The following FAM13B variants were observed in gnomAD, a reference collection of about 807,000 sequenced individuals.
FAM13B encodes the protein protein FAM13B.
FAM13B carries 60 observed loss-of-function variants against 117.3 expected under a neutral mutation model. That is an observed-to-expected ratio of 0.51 (90% confidence interval 0.42 to 0.63). FAM13B has a LOEUF of 0.63. Among genes scored for constraint, FAM13B ranks in the 30% least tolerant of loss-of-function variants. FAM13B has a pLI of 0.00. For synonymous variants in FAM13B, 332 were observed against 356.1 expected, an observed-to-expected ratio of 0.93 and a Z score of 0.76; for missense variants, 972 against 1,091.9, an observed-to-expected ratio of 0.89 and a Z score of 1.55.
chr5:137,996,824 G>A (rs1279793044), intron 7 of FAM13B, among the ~76,000 whole-genome samples: 1 of 152,042 alleles, frequency 6.6e-6, no homozygotes, highest in Non-Finnish European at 1.5e-5. Context: ...AACTCCTGAT[G>A]ACCTCGTGAT....
chr5:137,962,087 A>C (rs777780255), intron 11 of FAM13B, among the ~76,000 whole-genome samples: 3 of 152,198 alleles, frequency 2.0e-5, no homozygotes, highest in African/African-American at 4.8e-5. Context: ...ATCATGAATT[A>C]ACTCACTGAC....
At chr5:137,966,368 C>T (rs1287274235) in intron 10 of FAM13B, among the ~76,000 whole-genome samples, 4 of 149,262 alleles carry the variant, frequency 2.7e-5, no homozygotes, top group Admixed American at 6.7e-5. Flanking sequence ...ACCCAGGAGG[C>T]GGAGGTTGCA....
Position 137,974,011 on chromosome 5 carries a change from T to C in FAM13B, c.1179+11246A>G, listed in dbSNP as rs867317623. 1.0e-2 allele frequency among the ~76,000 whole-genome samples: 1,409 copies of C among 141,306 alleles called. 22 individuals are homozygous for C. Among genetic ancestry groups the C allele is most frequent in the African/African-American group, 0.035 (1,314 of 37,498 alleles). 92.7% of individuals were successfully genotyped at this position (141,306 alleles called of 152,430 possible). A position where few individuals can be genotyped will look rare whatever the true frequency, so the allele number is the denominator to read the frequency against. Reference sequence around the variant, plus strand: ...AACACTTTTACACTGTTGGTGGGACTGTAAACTAGTTCAACCATTGTGGAA... The same window carrying C: ...AACACTTTTACACTGTTGGTGGGACCGTAAACTAGTTCAACCATTGTGGAA... On this transcript the variant is annotated intron_variant, in intron 10 of 23. Coordinates refer to ENST00000689681, the MANE Select transcript of FAM13B (RefSeq NM_001385994.1).
intron 1 of FAM13B, 137 bp downstream of exon 1, chr5:138,032,645 G>T: frequency 1.2e-6 from 1 of 839,562 alleles, no homozygotes; most frequent in Non-Finnish European, 1.4e-6. Context: ...ACCTGCTAGA[G>T]TCCTCCACAT....
chr5:138,042,370 T>G (rs1032596580), intron 1 of FAM13B, among the ~76,000 whole-genome samples: 6 of 152,100 alleles, frequency 3.9e-5, no homozygotes, highest in African/African-American at 1.4e-4. Context: ...AAATCAATAA[T>G]AAGGAGGGGT....
chr5:137,996,459 TA>T (rs1485278721), intron 7 of FAM13B, among the ~76,000 whole-genome samples: 5 of 152,060 alleles, frequency 3.3e-5, no homozygotes, highest in Admixed American at 2.0e-4. Flanking sequence ...CTTAAAACCC[TA>T]AACCCATGGC....
intron 7 of FAM13B, among the ~76,000 whole-genome samples, chr5:137,996,287 C>T (rs1434291481): frequency 6.6e-6 from 1 of 152,134 alleles, no homozygotes; most frequent in African/African-American, 2.4e-5. Flanking sequence ...AGGCGCCGGC[C>T]ACCACGCCTG....
At chr5:138,052,045 G>A (rs974068698), upstream of FAM13B, 5 of 152,094 alleles carry the variant, frequency 3.3e-5, no homozygotes, top group African/African-American at 9.7e-5. Context: ...AACCAGCGTC[G>A]AAGATAAAGA....
intron 5 of FAM13B, among the ~76,000 whole-genome samples, 187 bp downstream of exon 5, chr5:138,011,581 A>G (rs1004236000): frequency 1.3e-5 from 2 of 151,918 alleles, no homozygotes; most frequent in African/African-American, 2.4e-5. Flanking sequence ...CACCATGCCC[A>G]GCTAGTTTTT....
intron 10 of FAM13B, among the ~76,000 whole-genome samples, chr5:137,981,808 C>T (rs1482335321): frequency 1.3e-5 from 2 of 150,506 alleles, no homozygotes; most frequent in Non-Finnish European, 3.0e-5. Context: ...AAAAGTGCGG[C>T]GGAATGCGAA....
At chr5:137,942,114 T>A in intron 22 of FAM13B, 69 bp from the exon 23 acceptor site, 1 of 1,326,870 alleles carries the variant, frequency 7.5e-7, no homozygotes, top group South Asian at 1.3e-5. Context: ...AGGTTCTATT[T>A]CTGGCTGCAA....
Position 138,021,164 on chromosome 5 carries a change from A to C in FAM13B, c.-169T>G. 1 of 1,231,706 alleles carries C rather than the reference A, an allele frequency of 8.1e-7. No homozygotes were observed. Among genetic ancestry groups the C allele is most frequent in the Non-Finnish European group, 1.0e-6 (1 of 987,940 alleles). 76.3% of individuals were successfully genotyped at this position (1,231,706 alleles called of 1,614,324 possible). A position where few individuals can be genotyped will look rare whatever the true frequency, so the allele number is the denominator to read the frequency against. On this transcript the variant is annotated 5_prime_UTR_variant, in exon 2 of 24. The change creates a new upstream start codon in the 5' untranslated region. Coordinates refer to ENST00000689681, the MANE Select transcript of FAM13B (RefSeq NM_001385994.1). Reference sequence around the variant, plus strand: ...TCAGCCTGTAGTTCCTCATTGAAGAAATGCAGAACTCGATCAGTACTTCAG... The same window carrying C: ...TCAGCCTGTAGTTCCTCATTGAAGACATGCAGAACTCGATCAGTACTTCAG...
At chr5:138,037,951 A>G (rs1401715637), upstream of FAM13B, among the ~76,000 whole-genome samples, 1 of 152,222 alleles carries the variant, frequency 6.6e-6, no homozygotes, top group Admixed American at 6.5e-5. Context: ...TGTACCTTAG[A>G]TTCCCCATTA....
At chr5:138,025,021 C>T (rs1316748923) in intron 1 of FAM13B, among the ~76,000 whole-genome samples, 1 of 151,724 alleles carries the variant, frequency 6.6e-6, no homozygotes, top group East Asian at 1.9e-4. Context: ...TAGGCACGTG[C>T]CACCATGCAC....
chr5:137,972,530 T>C (rs947332638), intron 10 of FAM13B, among the ~76,000 whole-genome samples: 1 of 151,736 alleles, frequency 6.6e-6, no homozygotes, highest in Non-Finnish European at 1.5e-5. Flanking sequence ...ACTGGAAGCA[T>C]TCCCTTTGAA....
At chr5:138,051,092 C>G (rs1791787568) in intron 1 of FAM13B, among the ~76,000 whole-genome samples, 1 of 152,114 alleles carries the variant, frequency 6.6e-6, no homozygotes, top group African/African-American at 2.4e-5. Context: ...AAAAGTAAAC[C>G]TTCTGAAATA....
At chr5:137,942,309 G>T in intron 22 of FAM13B, 1 of 426,488 alleles carries the variant, frequency 2.3e-6, no homozygotes. Flanking sequence ...AGAACAAAAA[G>T]ATCAACTCGC....
intron 20 of FAM13B, among the ~76,000 whole-genome samples, chr5:137,944,355 A>G (rs1458614658): frequency 1.3e-5 from 2 of 152,244 alleles, no homozygotes; most frequent in African/African-American, 4.8e-5. Flanking sequence ...ATGCAGTCAC[A>G]TGGTTATCCA....
chr5:138,018,673 T>C (rs1785844827), intron 3 of FAM13B, among the ~76,000 whole-genome samples, 159 bp from the exon 4 acceptor site: 1 of 152,118 alleles, frequency 6.6e-6, no homozygotes, highest in South Asian at 2.1e-4. Context: ...TCTAGAAACA[T>C]ACTATCTCTG....
Sources: allele counts gnomAD v4.1 joint callset (sites outside exome capture counted in the v4.1 genomes callset), GRCh38; gene constraint gnomAD v4.1.1; transcripts MANE v1.5; gene names NCBI Gene and HGNC (gene_info 2026-07-23, HGNC 2026-07-21).